Variants in PHF2 observed in about 807,000 individuals in gnomAD.
The protein encoded by PHF2 is lysine-specific demethylase PHF2.
A neutral mutation model predicts 120.5 loss-of-function variants in PHF2; 27 were observed. That is an observed-to-expected ratio of 0.22 (90% confidence interval 0.17 to 0.31). The LOEUF (loss-of-function observed/expected upper bound fraction) is 0.31, where lower values mean the gene tolerates loss of function less well. PHF2 is among the 10% of genes least tolerant of loss of function. The pLI is 1.00. For missense variants in PHF2, 1,024 were observed against 1,434.8 expected, an observed-to-expected ratio of 0.71 and a Z score of 4.63; for synonymous variants, 568 against 592.5, an observed-to-expected ratio of 0.96 and a Z score of 0.60.
At chr9:93,611,977 G>A (rs1587680358) in intron 1 of PHF2, among the ~76,000 whole-genome samples, 1 of 152,314 alleles carries the variant, frequency 6.6e-6, no homozygotes, top group East Asian at 1.9e-4. Flanking sequence ...CTGCAATCAA[G>A]GGCCTGTGTG....
chr9:93,604,365 A>G (rs2989751), intron 1 of PHF2, among the ~76,000 whole-genome samples: 102,288 of 148,910 alleles, frequency 0.69, 35,606 homozygotes, highest in South Asian at 0.77. Flanking sequence ...GACGGAGAGC[A>G]AGACTTCTTT....
At chr9:93,664,331 G>T (rs1156872314) in intron 14 of PHF2, among the ~76,000 whole-genome samples, 2 of 152,002 alleles carry the variant, frequency 1.3e-5, no homozygotes, top group African/African-American at 4.8e-5. Context: ...GTGAGGCAAG[G>T]GGTGCGGAGG....
intron 17 of PHF2, chr9:93,672,395 GGTGC>G (rs1826818419): frequency 6.1e-6 from 2 of 328,042 alleles, no homozygotes; most frequent in African/African-American, 5.2e-5. Flanking sequence ...AGTAGGCACA[GGTGC>G]AGGTGCAGGT....
At chr9:93,645,960 G>A (rs993578683) in intron 4 of PHF2, among the ~76,000 whole-genome samples, 171 bp downstream of exon 4, 4 of 152,166 alleles carry the variant, frequency 2.6e-5, no homozygotes, top group African/African-American at 9.7e-5. Flanking sequence ...CAGACCCTGC[G>A]TCCCACTGAG....
At chr9:93,611,620 C>T (rs1825637113) in intron 1 of PHF2, among the ~76,000 whole-genome samples, 1 of 152,136 alleles carries the variant, frequency 6.6e-6, no homozygotes, top group Non-Finnish European at 1.5e-5. Flanking sequence ...AAGCAACCCT[C>T]CCACCTCAGC....
chr9:93,657,628 C>T (rs969329048), intron 9 of PHF2, among the ~76,000 whole-genome samples: 2 of 152,166 alleles, frequency 1.3e-5, no homozygotes, highest in African/African-American at 4.8e-5. Flanking sequence ...CTGCCATGGT[C>T]CTGGTGCGTC....
intron 1 of PHF2, among the ~76,000 whole-genome samples, chr9:93,604,003 G>A (rs1301820621): frequency 1.3e-5 from 2 of 152,266 alleles, no homozygotes; most frequent in Non-Finnish European, 2.9e-5. Flanking sequence ...AGACGGCAGT[G>A]TGTGCCCATT....
chr9:93,581,454 T>C (rs1473898525), intron 1 of PHF2, among the ~76,000 whole-genome samples: 2 of 152,156 alleles, frequency 1.3e-5, no homozygotes, highest in Non-Finnish European at 2.9e-5. Flanking sequence ...TGTTGTGATG[T>C]GTTTAGGAAT....
intron 14 of PHF2, among the ~76,000 whole-genome samples, chr9:93,665,074 C>T (rs1174877889): frequency 6.6e-6 from 1 of 152,212 alleles, no homozygotes; most frequent in Non-Finnish European, 1.5e-5. Context: ...GCTTGCAGGC[C>T]AAGCTCTGAA....
At chr9:93,633,579 T>G (rs1320231083) in intron 2 of PHF2, among the ~76,000 whole-genome samples, 1 of 152,202 alleles carries the variant, frequency 6.6e-6, no homozygotes, top group African/African-American at 2.4e-5. Context: ...GGGCGCCCCA[T>G]GCTGGTGCAG....
At chr9:93,673,041 G>A (rs1373386997) in intron 17 of PHF2, among the ~76,000 whole-genome samples, 2 of 151,830 alleles carry the variant, frequency 1.3e-5, no homozygotes, top group Admixed American at 6.6e-5. Flanking sequence ...GAGAGAAGTT[G>A]CAGGTCACTG....
At chr9:93,642,274 A>G (rs1826183333) in intron 3 of PHF2, among the ~76,000 whole-genome samples, 1 of 152,244 alleles carries the variant, frequency 6.6e-6, no homozygotes. Flanking sequence ...ATTTTTATTC[A>G]GCATTCCAAG....
At chr9:93,615,400 C>T (rs191190057) in intron 1 of PHF2, among the ~76,000 whole-genome samples, 21 of 151,984 alleles carry the variant, frequency 1.4e-4, no homozygotes, top group East Asian at 3.9e-4. Context: ...ATGATGATGA[C>T]GATGATGATG....
Position 93,576,800 on chromosome 9 carries a change from C to T in PHF2, c.27C>T (p.Val9=), listed in dbSNP as rs1335843170. 9.3e-6 allele frequency: 12 copies of T among 1,286,354 alleles called. No individual in the cohort carries two copies. Among genetic ancestry groups the T allele is most frequent in the Non-Finnish European group, 1.2e-5 (12 of 982,672 alleles). The allele number at this position is 1,286,354 out of a possible 1,614,324, so 79.7% of individuals were successfully genotyped here. A position where few individuals can be genotyped will look rare whatever the true frequency, so the allele number is the denominator to read the frequency against. ...TGGCGACGGTGCCCGTGTACTGCGT[C>T]TGCCGGCTCCCCTACGACGTTACCC... MATVPVYC[V]CRLPYDVTRF... is the part of the protein sequence containing the mutation. The change falls in exon 1 of 22, where the codon GTC becomes GTT. Residue 9 remains valine, a synonymous_variant. Transcript: ENST00000359246.
chr9:93,673,983 A>C (rs1587723715), intron 18 of PHF2, 121 bp downstream of exon 18: 2 of 1,117,964 alleles, frequency 1.8e-6, no homozygotes, highest in Non-Finnish European at 1.2e-6. Flanking sequence ...GCTCAGCAAA[A>C]CCCTCGGCCT....
intron 2 of PHF2, among the ~76,000 whole-genome samples, chr9:93,635,408 G>A (rs576766148): frequency 5.3e-5 from 8 of 152,148 alleles, no homozygotes; most frequent in African/African-American, 1.9e-4. Context: ...GCACAATACG[G>A]GCCCTGCCTG....
rs1450758799 is a variant in PHF2, at chr9:93,677,165, T to A, written c.3202+202T>A. On this transcript the variant is annotated intron_variant, in intron 21 of 21. Coordinates refer to ENST00000359246, the MANE Select transcript of PHF2 (RefSeq NM_005392.4). The surrounding 1 kb of genome is among the most constrained non-coding windows in gnomAD (Gnocchi z 4.4). ...CAGTACAGGACGTGTGCTTTCATCC[T>A]TCTGCTCAGTGGGCGTGCTCAGCCC... 6.7e-6 allele frequency among the ~76,000 whole-genome samples: 1 copy of A among 149,412 alleles called. No individual in the cohort carries two copies. The highest frequency in any genetic ancestry group is 1.5e-5 in the Non-Finnish European group (1 of 67,474).
At chr9:93,669,036 A>G (rs1045182707) in intron 17 of PHF2, among the ~76,000 whole-genome samples, 1 of 152,252 alleles carries the variant, frequency 6.6e-6, no homozygotes, top group Non-Finnish European at 1.5e-5. Flanking sequence ...TTTGAGTATG[A>G]TAATTGGTGG....
At position 93,579,962 on chromosome 9, in the gene PHF2, C is replaced by G. The variant is rs148097084; in HGVS notation, c.98+3091C>G. ...TGGTGGGTGGGGCTGCCCCGCTGGC[C>G]TGGGTTGGGGAGAATGTTCACCATG... On this transcript the variant is annotated intron_variant, in intron 1 of 21. Transcript: ENST00000359246. Among the ~76,000 whole-genome samples, 10 of 152,308 alleles carry G rather than the reference C, an allele frequency of 6.6e-5. No individual in the cohort carries two copies. The South Asian group carries it at 2.1e-3, about 32-fold the overall frequency.
Sources: gnomAD v4.1 joint callset for allele counts (sites outside exome capture counted in the v4.1 genomes callset) on GRCh38, gnomAD v4.1.1 for gene constraint, Gnocchi (gnomAD v3.1) non-coding constraint, MANE v1.5 for transcripts, NCBI Gene and HGNC (gene_info 2026-07-23, HGNC 2026-07-21) for gene names.